Variants in MAML2 observed in about 807,000 individuals in gnomAD.
The protein encoded by MAML2 is mastermind like transcriptional coactivator 2.
In MAML2, 22 loss-of-function variants were observed where a neutral mutation model predicts 96.1. The observed-to-expected ratio is 0.23, with a 90% CI of 0.16 to 0.33. The LOEUF (loss-of-function observed/expected upper bound fraction) is 0.33. MAML2 is among the 10% of genes least tolerant of loss of function. MAML2 has a pLI of 1.00. For missense variants in MAML2, 1,367 were observed against 1,392.4 expected (o/e 0.98, Z 0.29); for synonymous variants, 561 against 521.3 (o/e 1.08, Z -1.04).
chr11:96,210,894 T>G (rs1401981728), intron 1 of MAML2, among the ~76,000 whole-genome samples: 1 of 152,208 alleles, frequency 6.6e-6, no homozygotes, highest in Non-Finnish European at 1.5e-5. Context: ...AATTGTTAAT[T>G]ATAAATTCCA....
chr11:96,341,685 C>G lies in MAML2; in HGVS notation c.211G>C (p.Glu71Gln). 1.2e-6 allele frequency: 2 copies of G among 1,600,176 alleles called. No homozygotes were observed. The highest frequency in any genetic ancestry group is 2.7e-5 in the African/African-American group (2 of 74,776). ...AGGCTCAGGAGCTGCAAGGTGCTTT[C>G]TCTTTCCCGGTCTGAGCTCTCGGCC... The part of the protein sequence containing the change: ...GRAESSDRER[E>Q]STLQLLSLVQ... Residue 71 changes from glutamate to glutamine, a missense_variant, in exon 1 of 5, where the codon GAA becomes CAA. Physicochemically the swap from Glu to Gln is conservative, Grantham distance 29 (BLOSUM62 2). Transcript: ENST00000524717.
At chr11:96,090,464 G>A (rs1859685580) in intron 2 of MAML2, among the ~76,000 whole-genome samples, 1 of 152,118 alleles carries the variant, frequency 6.6e-6, no homozygotes, top group Admixed American at 6.5e-5. Context: ...GAAGTTCAGT[G>A]AGTCCCTTGA....
intron 2 of MAML2, among the ~76,000 whole-genome samples, chr11:96,034,815 G>A (rs1220000385): frequency 6.6e-6 from 1 of 152,122 alleles, no homozygotes; most frequent in Non-Finnish European, 1.5e-5. Context: ...TTGTCTAGAT[G>A]GCATTTTTGG....
intron 2 of MAML2, among the ~76,000 whole-genome samples, chr11:96,068,603 C>A (rs563983062): frequency 6.6e-6 from 1 of 151,890 alleles, no homozygotes; most frequent in Admixed American, 6.6e-5. Context: ...CCAAGGTGAG[C>A]GGATCATGAG....
At chr11:96,149,373 C>T (rs1034949101) in intron 1 of MAML2, among the ~76,000 whole-genome samples, 23 of 141,170 alleles carry the variant, frequency 1.6e-4, no homozygotes, top group Admixed American at 3.1e-4. Context: ...GCTGAGATCA[C>T]GTCACTGCAC....
chr11:96,251,841 C>T (rs1169602666), intron 1 of MAML2, among the ~76,000 whole-genome samples: 1 of 152,008 alleles, frequency 6.6e-6, no homozygotes, highest in Non-Finnish European at 1.5e-5. Flanking sequence ...ACGCCATTCT[C>T]CTGCCTCAGC....
Position 96,326,779 on chromosome 11 carries a change from T to A in MAML2, c.513+14604A>T, listed in dbSNP as rs189039801. On this transcript the variant is annotated intron_variant, in intron 1 of 4. Transcript: ENST00000524717. ...AAGTCTGTCAAAGTAAATAAATAAA[T>A]AAATAAATAACAAAACAAAAAAAAA... Among the ~76,000 whole-genome samples the A allele has an allele frequency of 3.0e-3, 447 of 151,264 alleles. 4 individuals carry two copies. The highest frequency in any genetic ancestry group is 4.5e-3 in the Non-Finnish European group (305 of 67,828).
At chr11:96,191,413 C>T (rs1861651143) in intron 1 of MAML2, among the ~76,000 whole-genome samples, 3 of 150,300 alleles carry the variant, frequency 2.0e-5, no homozygotes, top group Admixed American at 6.7e-5. Flanking sequence ...GCAAGTGAGC[C>T]GAGACCACAC....
chr11:96,248,873 A>G (rs1405047840), intron 1 of MAML2, among the ~76,000 whole-genome samples: 1 of 152,218 alleles, frequency 6.6e-6, no homozygotes, highest in Non-Finnish European at 1.5e-5. Flanking sequence ...CGCAACTAGC[A>G]GAAGCTAATT....
rs116020979 is a variant in MAML2, at chr11:96,011,788, T to G, written c.2140-20065A>C. Reference sequence around the variant, plus strand: ...AATCAATGACAGAATAAATGGAATTTTTTTTCTTAGCCTTTAGGAAAATGC... The same window carrying G: ...AATCAATGACAGAATAAATGGAATTGTTTTTCTTAGCCTTTAGGAAAATGC... On this transcript the variant is annotated intron_variant, in intron 2 of 4. Coordinates refer to ENST00000524717, the MANE Select transcript of MAML2 (RefSeq NM_032427.4). Among the ~76,000 whole-genome samples, 628 of 152,324 alleles carry G rather than the reference T, an allele frequency of 4.1e-3. 5 individuals carry two copies. The highest frequency in any genetic ancestry group is 0.015 in the African/African-American group (614 of 41,564).
In MAML2 at chr11:96,107,987, C is replaced by T. The variant is rs1008986694; in HGVS notation, c.514-14470G>A. On this transcript the variant is annotated intron_variant, in intron 1 of 4. Coordinates refer to ENST00000524717, the MANE Select transcript of MAML2 (RefSeq NM_032427.4). ...ATGTTAAGTGTTTCCCTGAGTTCTA[C>T]GAGCTACTCTAGCAAATGAATCAAA... 5.9e-5 allele frequency among the ~76,000 whole-genome samples: 9 copies of T among 152,250 alleles called. No individual in the cohort carries two copies. The South Asian group carries it at 8.3e-4, about 14-fold the overall frequency.
At chr11:96,253,560 G>C (rs1862616560) in intron 1 of MAML2, among the ~76,000 whole-genome samples, 1 of 152,176 alleles carries the variant, frequency 6.6e-6, no homozygotes, top group African/African-American at 2.4e-5. Flanking sequence ...TTGTAATATT[G>C]ATTGCTGGGA....
chr11:96,246,003 G>C (rs1381560198), intron 1 of MAML2, among the ~76,000 whole-genome samples: 1 of 150,824 alleles, frequency 6.6e-6, no homozygotes, highest in African/African-American at 2.4e-5. Context: ...GTGCCCAGCT[G>C]CTTAATTCTT....
At chr11:96,046,337 T>G (rs567660314) in intron 2 of MAML2, among the ~76,000 whole-genome samples, 1 of 151,318 alleles carries the variant, frequency 6.6e-6, no homozygotes, top group South Asian at 2.1e-4. Flanking sequence ...GATGGAAGGG[T>G]TTTTTTTGTT....
chr11:96,210,010 G>A (rs1861947104), intron 1 of MAML2, among the ~76,000 whole-genome samples: 1 of 152,296 alleles, frequency 6.6e-6, no homozygotes, highest in South Asian at 2.1e-4. Flanking sequence ...ACAATCAGTA[G>A]TTAACAATAC....
intron 1 of MAML2, among the ~76,000 whole-genome samples, chr11:96,169,528 C>T (rs1051253838): frequency 8.5e-5 from 13 of 152,288 alleles, no homozygotes; most frequent in South Asian, 2.1e-4. Context: ...CGTCCTGGGA[C>T]GCAAATTGAA....
intron 2 of MAML2, among the ~76,000 whole-genome samples, chr11:95,996,236 A>G (rs527545115): frequency 1.3e-5 from 2 of 152,356 alleles, no homozygotes; most frequent in East Asian, 3.9e-4. Context: ...GGGAAAATGA[A>G]GAGAAAGAAA....
chr11:96,031,339 G>GTA, intron 2 of MAML2, among the ~76,000 whole-genome samples: 1 of 122,166 alleles, frequency 8.2e-6, no homozygotes, highest in East Asian at 3.2e-4. Context: ...AACAGTTTGT[G>GTA]TGTGTGTGTG....
At chr11:96,122,602 T>C (rs1335677153) in intron 1 of MAML2, among the ~76,000 whole-genome samples, 1 of 152,030 alleles carries the variant, frequency 6.6e-6, no homozygotes, top group South Asian at 2.1e-4. Context: ...TCATAAGAAA[T>C]TCTATCTCCA....
Sources: allele counts gnomAD v4.1 joint callset (sites outside exome capture counted in the v4.1 genomes callset), GRCh38; gene constraint gnomAD v4.1.1; transcripts MANE v1.5; gene names NCBI Gene and HGNC (gene_info 2026-07-23, HGNC 2026-07-21).